Variants in LRRTM4 observed in about 807,000 individuals in gnomAD.
The protein encoded by LRRTM4 is leucine rich repeat transmembrane neuronal 4, also known as leucine-rich repeat transmembrane neuronal protein 4.
Under a neutral mutation model 47.6 loss-of-function variants are expected in LRRTM4, and 25 were observed. That is an observed-to-expected ratio of 0.53 (90% CI 0.38 to 0.73). The LOEUF (loss-of-function observed/expected upper bound fraction) is 0.73, where lower values mean the gene tolerates loss of function less well. Among genes scored for constraint, LRRTM4 ranks in the 30% least tolerant of loss-of-function variants. The probability of loss-of-function intolerance (pLI) is 0.00; values close to 1 mark genes in which losing one functional copy is unlikely to be tolerated. For missense variants in LRRTM4, 638 were observed against 713.4 expected (o/e 0.89, Z 1.20); for synonymous variants, 311 against 269.5 (o/e 1.15, Z -1.51).
chr2:76,760,850 C>T (rs968314867), intron 3 of LRRTM4, among the ~76,000 whole-genome samples: 3 of 152,130 alleles, frequency 2.0e-5, no homozygotes, highest in African/African-American at 7.2e-5. Context: ...CAAAACAACC[C>T]CTGCCACCCC....
intron 3 of LRRTM4, among the ~76,000 whole-genome samples, chr2:77,305,265 T>A (rs1677241555): frequency 6.6e-6 from 1 of 152,086 alleles, no homozygotes; most frequent in Non-Finnish European, 1.5e-5. Context: ...TATATATTTA[T>A]GTTATAAACA....
intron 3 of LRRTM4, among the ~76,000 whole-genome samples, chr2:76,781,495 C>G (rs978032242): frequency 1.3e-5 from 2 of 152,220 alleles, no homozygotes; most frequent in African/African-American, 4.8e-5. Context: ...GCGCAGTATT[C>G]GGGTGGGAGT....
rs150486197 is a variant in LRRTM4, at chr2:77,137,738, C to T, written c.1551+380580G>A. ...CTGTATTCAGGAGACCCATGTCACA[C>T]GCAGGGACACACATAGGCTCAAAAT... On this transcript the variant is annotated intron_variant, in intron 3 of 3. Coordinates refer to ENST00000409884, the MANE Select transcript of LRRTM4 (RefSeq NM_001134745.3). Among the ~76,000 whole-genome samples the T allele has an allele frequency of 2.0e-3, 299 of 152,022 alleles. 2 individuals are homozygous for T. Among genetic ancestry groups the T allele is most frequent in the African/African-American group, 5.6e-3 (231 of 41,480 alleles).
chr2:77,138,648 T>C (rs560429595), intron 3 of LRRTM4, among the ~76,000 whole-genome samples: 107 of 151,856 alleles, frequency 7.0e-4, no homozygotes, highest in African/African-American at 2.4e-3. Context: ...GAGATAGAGA[T>C]ATAAAAAACC....
At chr2:76,946,912 CTT>C (rs1389645808) in intron 3 of LRRTM4, among the ~76,000 whole-genome samples, 1 of 151,860 alleles carries the variant, frequency 6.6e-6, no homozygotes, top group Non-Finnish European at 1.5e-5. Context: ...ATGAGGCACA[CTT>C]GTCATACACA....
At chr2:77,266,951 A>C (rs1047633006) in intron 3 of LRRTM4, among the ~76,000 whole-genome samples, 1 of 152,184 alleles carries the variant, frequency 6.6e-6, no homozygotes, top group Admixed American at 6.6e-5. Context: ...AGAAATAAGC[A>C]AAAATATGGA....
chr2:77,314,671 T>C (rs563043486), intron 3 of LRRTM4, among the ~76,000 whole-genome samples: 2 of 152,278 alleles, frequency 1.3e-5, no homozygotes, highest in South Asian at 4.1e-4. Context: ...ACCTCACCCT[T>C]AGGGATCTTT....
rs577382916 is a variant in LRRTM4, at chr2:76,776,399, C to T, written c.1552-27483G>A. On this transcript the variant is annotated intron_variant, in intron 3 of 3. Transcript: ENST00000409884. ...ACAGTGTAAAAGTGTTCCTATTTCT[C>T]CACATCCTCTCCAGCACCTGTTGTT... Among the ~76,000 whole-genome samples, 10 of 152,224 alleles carry T rather than the reference C, an allele frequency of 6.6e-5. 1 individual carries two copies. In the South Asian group the frequency reaches 1.9e-3, roughly 28 times the overall value.
intron 3 of LRRTM4, among the ~76,000 whole-genome samples, chr2:77,322,851 T>C (rs1008681241): frequency 2.5e-4 from 37 of 149,118 alleles, no homozygotes; most frequent in Non-Finnish European, 4.6e-4. Context: ...CTCTCTCTCT[T>C]TCTTCCACCC....
chr2:77,008,652 T>G (rs1172174514), intron 3 of LRRTM4, among the ~76,000 whole-genome samples: 2 of 152,110 alleles, frequency 1.3e-5, no homozygotes, highest in Admixed American at 1.3e-4. Context: ...TCTTTCTTGT[T>G]GAGGTGTGTT....
intron 3 of LRRTM4, among the ~76,000 whole-genome samples, chr2:77,438,393 A>ATTTTTTTTTTTTTTTT (rs70956631): frequency 1.0e-5 from 1 of 100,186 alleles, no homozygotes; most frequent in African/African-American, 4.5e-5. Context: ...GATCATGATA[A>ATTTTTTTTTTTTTTTT]TTTTTTTTTT....
intron 3 of LRRTM4, among the ~76,000 whole-genome samples, chr2:77,230,448 G>A (rs1674931923): frequency 6.6e-6 from 1 of 152,042 alleles, no homozygotes; most frequent in Non-Finnish European, 1.5e-5. Context: ...ATAATTTCTA[G>A]AAGGACAATG....
chr2:77,253,415 G>A (rs1675676604), intron 3 of LRRTM4, among the ~76,000 whole-genome samples: 1 of 152,054 alleles, frequency 6.6e-6, no homozygotes, highest in East Asian at 1.9e-4. Flanking sequence ...CTTCAACCTA[G>A]CACGAATGAG....
chr2:76,794,620 A>C (rs2103731941), intron 3 of LRRTM4, among the ~76,000 whole-genome samples: 1 of 152,316 alleles, frequency 6.6e-6, no homozygotes, highest in African/African-American at 2.4e-5. Context: ...AAAAGCAATA[A>C]TTTTATCTGT....
At chr2:77,040,485 G>A (rs1270284842) in intron 3 of LRRTM4, among the ~76,000 whole-genome samples, 1 of 151,378 alleles carries the variant, frequency 6.6e-6, no homozygotes. Flanking sequence ...AAGAGAGAGA[G>A]AGAAACAAGG....
intron 3 of LRRTM4, among the ~76,000 whole-genome samples, chr2:77,241,459 G>A (rs576520096): frequency 2.4e-4 from 37 of 152,058 alleles, no homozygotes; most frequent in African/African-American, 8.7e-4. Context: ...TAACAAGGGG[G>A]TAAAAATGCA....
At chr2:77,521,610 G>T in intron 2 of LRRTM4, 58 bp downstream of exon 2, 1 of 1,605,222 alleles carries the variant, frequency 6.2e-7, no homozygotes, top group South Asian at 1.1e-5. Context: ...CCACGACTGA[G>T]GATAGGAAGC....
chr2:76,769,740 G>A (rs1405093362), intron 3 of LRRTM4, among the ~76,000 whole-genome samples: 1 of 152,026 alleles, frequency 6.6e-6, no homozygotes, highest in Admixed American at 6.6e-5. Context: ...TTATATTAAA[G>A]TTTGTGAAGC....
rs774697360 is a variant in LRRTM4 at position 77,306,897 on chromosome 2, A to ATTTTTTTTTTTT, written c.1551+211409_1551+211420dup. Among the ~76,000 whole-genome samples the ATTTTTTTTTTTT allele has an allele frequency of 3.4e-3, 386 of 112,388 alleles. 36 individuals are homozygous for ATTTTTTTTTTTT. The highest frequency in any genetic ancestry group is 0.015 in the African/African-American group (357 of 23,110). The allele number at this position is 112,388 out of a possible 152,430, so 73.7% of individuals were successfully genotyped here. A position where few individuals can be genotyped will look rare whatever the true frequency, so the allele number is the denominator to read the frequency against. On this transcript the variant is annotated intron_variant, in intron 3 of 3. Transcript: ENST00000409884. ...AAATAGCTATATACTGCTTTTCCAT[A>ATTTTTTTTTTTT]TTTTTTTTTTTTTTTTTTTTGAGAT...
Sources: allele counts gnomAD v4.1 joint callset (sites outside exome capture counted in the v4.1 genomes callset), GRCh38; gene constraint gnomAD v4.1.1; transcripts MANE v1.5; gene names NCBI Gene and HGNC (gene_info 2026-07-23, HGNC 2026-07-21).